SHISA9: variants seen among roughly 807,000 people sequenced by gnomAD.
The protein encoded by SHISA9 is shisa family member 9.
SHISA9 carries 13 observed loss-of-function variants against 38.0 expected under a neutral mutation model. The ratio of observed to expected loss-of-function variants is 0.34; its 90% confidence interval spans 0.22 to 0.54. SHISA9 has a LOEUF of 0.54. Ranked by LOEUF, SHISA9 falls within the 20% of genes least tolerant of loss-of-function variation. The pLI is 0.91. For synonymous variants in SHISA9, 275 were observed against 242.0 expected (o/e 1.14, Z -1.27); for missense variants, 538 against 575.8 (o/e 0.93, Z 0.67).
chr16:13,355,180 G>C, the SHISA9 span, among the ~76,000 whole-genome samples: 1 of 149,742 alleles, frequency 6.7e-6, no homozygotes, highest in African/African-American at 2.5e-5. Flanking sequence ...TAACTTGTAA[G>C]GCTTGTCTGG....
chr16:13,263,681 A>G, the SHISA9 span, among the ~76,000 whole-genome samples: 2 of 152,188 alleles, frequency 1.3e-5, no homozygotes, highest in Admixed American at 1.3e-4. Context: ...AGAACAGACT[A>G]ATACAGTCAG....
intron 2 of SHISA9, among the ~76,000 whole-genome samples, chr16:12,978,277 A>G (rs2072192348): frequency 6.6e-6 from 1 of 152,240 alleles, no homozygotes; most frequent in South Asian, 2.1e-4. Context: ...GGAAGAAATG[A>G]GCATGACTTC....
intron 2 of SHISA9, among the ~76,000 whole-genome samples, chr16:13,083,102 A>G (rs1368875796): frequency 6.6e-6 from 1 of 152,122 alleles, no homozygotes; most frequent in Non-Finnish European, 1.5e-5. Context: ...TGGTGGATAG[A>G]GGGGAGGGGC....
At position 13,224,191 on chromosome 16, in the gene SHISA9, AG is replaced by A. The variant is rs774533407; in HGVS notation, c.896-10837del. On this transcript the variant is annotated intron_variant, in intron 4 of 4. Coordinates refer to ENST00000558583, the MANE Select transcript of SHISA9 (RefSeq NM_001145204.3). ...CATTGACAAGAGTGGGGAAATAGAG[AG>A]GAAGTCCCTGTCTCTACTCAGACTT... Among the ~76,000 whole-genome samples, 446 of 152,348 alleles carry A rather than the reference AG, an allele frequency of 2.9e-3. 8 individuals carry two copies. Among genetic ancestry groups the A allele is most frequent in the East Asian group, 7.7e-4 (4 of 5,186 alleles).
At position 13,235,339 on chromosome 16, in the gene SHISA9, C is replaced by A; in HGVS notation, c.1205C>A (p.Thr402Asn). ...ACAGGCTCCAGCGACCCCTTGGGAA[C>A]TCGCCCCCAGCACTACCCACCCCCA... Reference protein sequence around the residue: ...AETGSSDPLGTRPQHYPPPQP... With the variant: ...AETGSSDPLGNRPQHYPPPQP... The change falls in exon 5 of 5, where the codon ACT (threonine) becomes AAT (asparagine). Residue 402 changes from threonine (T) to asparagine (N), a missense_variant. Transcript: ENST00000558583. The A allele has an allele frequency of 1.3e-6, 2 of 1,545,408 alleles. No homozygotes were observed. Among genetic ancestry groups the A allele is most frequent in the Non-Finnish European group, 1.7e-6 (2 of 1,146,970 alleles).
intron 2 of SHISA9, among the ~76,000 whole-genome samples, chr16:13,188,716 CAAAAAAAAAAAA>C (rs35558481): frequency 1.3e-4 from 10 of 79,346 alleles, no homozygotes; most frequent in East Asian, 1.2e-3. Flanking sequence ...GACCCTGTTT[CAAAAAAAAAAAA>C]AAAAAAAAAA....
the SHISA9 span, among the ~76,000 whole-genome samples, chr16:13,403,759 G>A: frequency 1.3e-5 from 2 of 152,180 alleles, no homozygotes; most frequent in African/African-American, 4.8e-5. Context: ...GTCTGAAATG[G>A]CACTCTTGAA....
chr16:13,404,184 C>T, the SHISA9 span, among the ~76,000 whole-genome samples: 17 of 152,218 alleles, frequency 1.1e-4, no homozygotes, highest in East Asian at 1.2e-3. Context: ...ACAACAATGA[C>T]GTATCTAGGG....
the SHISA9 span, among the ~76,000 whole-genome samples, chr16:13,411,667 A>C: frequency 6.6e-6 from 1 of 152,218 alleles, no homozygotes; most frequent in South Asian, 2.1e-4. Context: ...CAGCAGAATA[A>C]ATGAAGATGA....
chr16:13,084,755 CATAG>C (rs2073692178), intron 2 of SHISA9, among the ~76,000 whole-genome samples: 1 of 149,888 alleles, frequency 6.7e-6, no homozygotes. Context: ...GACCATAGAC[CATAG>C]ACCATAGACA....
the SHISA9 span, among the ~76,000 whole-genome samples, chr16:13,513,144 A>G: frequency 6.6e-6 from 1 of 152,248 alleles, no homozygotes; most frequent in Non-Finnish European, 1.5e-5. Flanking sequence ...TCTACAAGGA[A>G]CTTAAACGAA....
chr16:12,925,217 A>T lies in SHISA9; in HGVS notation c.691+8402A>T, dbSNP rs980661600. Among the ~76,000 whole-genome samples, 3 of 151,976 alleles carry T rather than the reference A, an allele frequency of 2.0e-5. No homozygotes were observed. The East Asian group carries it at 5.8e-4, about 29-fold the overall frequency. On this transcript the variant is annotated intron_variant, in intron 2 of 4. Transcript: ENST00000558583. Reference sequence around the variant, plus strand: ...GTTTCAATGCAGATGAGAAATGAAGAAACCGTCAATTCCTTCCCAAGGAAA... The same window carrying T: ...GTTTCAATGCAGATGAGAAATGAAGTAACCGTCAATTCCTTCCCAAGGAAA...
chr16:13,323,491 CTGTT>C, the SHISA9 span, among the ~76,000 whole-genome samples: 1 of 152,192 alleles, frequency 6.6e-6, no homozygotes, highest in African/African-American at 2.4e-5. Flanking sequence ...GGATGTTTGG[CTGTT>C]TGTCCTCTCC....
At chr16:12,956,939 T>C (rs981509568) in intron 2 of SHISA9, among the ~76,000 whole-genome samples, 3 of 152,222 alleles carry the variant, frequency 2.0e-5, no homozygotes. Flanking sequence ...TATATGTTTA[T>C]TAACAATAAT....
At chr16:13,189,586 C>T (rs75542134) in intron 2 of SHISA9, among the ~76,000 whole-genome samples, 2,268 of 152,214 alleles carry the variant, frequency 0.015, 53 homozygotes, top group African/African-American at 0.05. Flanking sequence ...TCTGAGTACA[C>T]GACTTTTGTC....
chr16:13,254,755 G>A, the SHISA9 span, among the ~76,000 whole-genome samples: 1 of 152,182 alleles, frequency 6.6e-6, no homozygotes, highest in Non-Finnish European at 1.5e-5. Flanking sequence ...TGAATCCTCA[G>A]CGGACACCTT....
At chr16:13,336,962 C>T in the SHISA9 span, among the ~76,000 whole-genome samples, 6 of 152,082 alleles carry the variant, frequency 3.9e-5, no homozygotes, top group African/African-American at 1.4e-4. Context: ...GTTAACTGAC[C>T]CACTTTTTAA....
chr16:13,332,593 CA>C, the SHISA9 span: 1 of 152,126 alleles, frequency 6.6e-6, no homozygotes, highest in African/African-American at 2.4e-5. Context: ...CAAACAAGGA[CA>C]AAGATCCTTC....
At chr16:13,197,102 C>CATATATATAT (rs139944963) in intron 2 of SHISA9, among the ~76,000 whole-genome samples, 5,358 of 146,968 alleles carry the variant, frequency 0.036, 338 homozygotes, top group African/African-American at 0.13. Flanking sequence ...TCTCTCTGTA[C>CATATATATAT]ATACACACAC....
Sources: allele counts gnomAD v4.1 joint callset (sites outside exome capture counted in the v4.1 genomes callset), GRCh38; gene constraint gnomAD v4.1.1; transcripts MANE v1.5; gene names NCBI Gene and HGNC (gene_info 2026-07-23, HGNC 2026-07-21).